Variants in NCAM1 observed in about 807,000 individuals in gnomAD.
NCAM1 encodes antigen recognized by monoclonal antibody 5.1H11.
In NCAM1, 14 loss-of-function variants were observed where a neutral mutation model predicts 109.8. That is an observed-to-expected ratio of 0.13 (90% CI 0.08 to 0.20). The LOEUF (loss-of-function observed/expected upper bound fraction) is 0.20. NCAM1 is among the 10% of genes least tolerant of loss of function. NCAM1 has a pLI of 1.00. For synonymous variants in NCAM1, 418 were observed against 442.9 expected (o/e 0.94, Z 0.70); for missense variants, 774 against 1,109.9 (o/e 0.70, Z 4.30).
intron 1 of NCAM1, among the ~76,000 whole-genome samples, chr11:113,120,824 T>G (rs1305511320): frequency 6.6e-6 from 1 of 152,172 alleles, no homozygotes; most frequent in Non-Finnish European, 1.5e-5. Context: ...TTAAATGCCC[T>G]CTTCATTGGG....
In NCAM1 at chr11:113,116,342, G is replaced by A. The variant is rs1479979912; in HGVS notation, c.53-86037G>A. Among the ~76,000 whole-genome samples, 5 of 152,276 alleles carry A rather than the reference G, an allele frequency of 3.3e-5. No individual in the cohort carries two copies. In the East Asian group the frequency reaches 9.6e-4, roughly 29 times the overall value. On this transcript the variant is annotated intron_variant, in intron 1 of 19. Transcript: ENST00000316851. ...CTGTGTTATGCCTTCATTATAGAAGGGAAAGAGAAGGGTGGTGGACTGGTA... is the reference window on the plus strand; with the variant it reads ...CTGTGTTATGCCTTCATTATAGAAGAGAAAGAGAAGGGTGGTGGACTGGTA...
intron 1 of NCAM1, among the ~76,000 whole-genome samples, chr11:113,081,804 G>T (rs1467474669): frequency 1.3e-5 from 2 of 152,152 alleles, no homozygotes; most frequent in African/African-American, 4.8e-5. Context: ...AGAGTGTTGG[G>T]ACTACAGGCG....
chr11:113,209,660 C>T (rs1175493370), intron 7 of NCAM1, among the ~76,000 whole-genome samples: 3 of 152,200 alleles, frequency 2.0e-5, no homozygotes, highest in African/African-American at 7.2e-5. Context: ...CAGTCAGCAA[C>T]ATTTGAGTGA....
chr11:113,115,358 G>T (rs948248), intron 1 of NCAM1, among the ~76,000 whole-genome samples: 32 of 152,126 alleles, frequency 2.1e-4, no homozygotes, highest in African/African-American at 6.0e-4. Context: ...CCTGGTAAAG[G>T]TTCAAAACAT....
At position 113,173,125 on chromosome 11, in the gene NCAM1, G is replaced by A. The variant is rs150604733; in HGVS notation, c.53-29254G>A. On this transcript the variant is annotated intron_variant, in intron 1 of 19. Transcript: ENST00000316851. ...CCTACACAATGCCTGCACAACTGCC[G>A]TGGGGCTGAGAAAGAATCCCTTCTC... 8.0e-3 allele frequency among the ~76,000 whole-genome samples: 1,211 copies of A among 152,204 alleles called. 13 individuals are homozygous for A. Among genetic ancestry groups the A allele is most frequent in the Admixed American group, 0.015 (231 of 15,292 alleles).
chr11:113,246,052 G>C, intron 14 of NCAM1: 1 of 433,122 alleles, frequency 2.3e-6, no homozygotes, highest in South Asian at 4.9e-5. Context: ...TGTTGCAGCC[G>C]TAGCTAATGC....
chr11:112,997,443 G>A (rs1232806431), intron 1 of NCAM1, among the ~76,000 whole-genome samples: 1 of 152,120 alleles, frequency 6.6e-6, no homozygotes, highest in African/African-American at 2.4e-5. Context: ...TAAAATGGTC[G>A]TATGAAAAAT....
intron 14 of NCAM1, chr11:113,240,817 A>C: frequency 1.2e-6 from 2 of 1,612,714 alleles, no homozygotes; most frequent in Non-Finnish European, 1.7e-6. Flanking sequence ...CCCCTGTTCC[A>C]TTGTCTCCAC....
At chr11:113,035,124 T>C (rs1477889394) in intron 1 of NCAM1, among the ~76,000 whole-genome samples, 4 of 152,154 alleles carry the variant, frequency 2.6e-5, no homozygotes, top group Non-Finnish European at 4.4e-5. Context: ...AGTAAAACAG[T>C]TGTTACAAAA....
intron 8 of NCAM1, among the ~76,000 whole-genome samples, chr11:113,219,473 A>G (rs1286569150): frequency 6.6e-6 from 1 of 152,252 alleles, no homozygotes; most frequent in Non-Finnish European, 1.5e-5. Context: ...TAAAATATGA[A>G]TATCAAAACA....
chr11:113,075,680 A>G (rs1316693666), intron 1 of NCAM1, among the ~76,000 whole-genome samples: 4 of 152,210 alleles, frequency 2.6e-5, no homozygotes, highest in African/African-American at 9.6e-5. Flanking sequence ...ATTGAAGGAA[A>G]CATGATGGGT....
intron 1 of NCAM1, among the ~76,000 whole-genome samples, chr11:113,056,002 T>TAC (rs1418667020): frequency 8.4e-6 from 1 of 118,964 alleles, no homozygotes; most frequent in Non-Finnish European, 1.7e-5. Context: ...TATATATATA[T>TAC]ATATATATAT....
intron 1 of NCAM1, among the ~76,000 whole-genome samples, chr11:113,180,231 A>C (rs1943290512): frequency 1.3e-5 from 2 of 152,174 alleles, no homozygotes; most frequent in Non-Finnish European, 2.9e-5. Flanking sequence ...GGTTGCAGAG[A>C]ACAGTGAGAT....
At chr11:113,165,718 G>C (rs1942770045) in intron 1 of NCAM1, among the ~76,000 whole-genome samples, 1 of 152,048 alleles carries the variant, frequency 6.6e-6, no homozygotes, top group South Asian at 2.1e-4. Context: ...GTACTCCTCT[G>C]TGGTAGCTCA....
chr11:113,094,207 G>A (rs1315319160), intron 1 of NCAM1, among the ~76,000 whole-genome samples: 4 of 152,136 alleles, frequency 2.6e-5, no homozygotes, highest in Non-Finnish European at 5.9e-5. Context: ...AACCAAAGAG[G>A]TAACTTAAAC....
intron 1 of NCAM1, among the ~76,000 whole-genome samples, chr11:112,969,020 T>C (rs1555066266): frequency 6.6e-6 from 1 of 152,148 alleles, no homozygotes; most frequent in East Asian, 1.9e-4. Context: ...ACAGACATAC[T>C]ATACTTATAA....
At chr11:113,232,058 C>A in intron 10 of NCAM1, 112 bp from the exon 11 acceptor site, 1 of 1,127,980 alleles carries the variant, frequency 8.9e-7, no homozygotes, top group Non-Finnish European at 1.2e-6. Flanking sequence ...CTCTACTATA[C>A]CAGGCGCTGG....
intron 17 of NCAM1, chr11:113,264,686 T>C: frequency 3.0e-6 from 3 of 985,430 alleles, no homozygotes; most frequent in Non-Finnish European, 3.6e-6. Context: ...TGTCCATCTT[T>C]CTGAAGGGAC....
chr11:113,153,453 T>TGAGAGA (rs10669540), intron 1 of NCAM1, among the ~76,000 whole-genome samples: 18 of 141,176 alleles, frequency 1.3e-4, no homozygotes, highest in Non-Finnish European at 2.0e-4. Flanking sequence ...AGACAGAGAG[T>TGAGAGA]GAGAGAGAGA....
Sources: allele counts gnomAD v4.1 joint callset (sites outside exome capture counted in the v4.1 genomes callset), GRCh38; gene constraint gnomAD v4.1.1; transcripts MANE v1.5; gene names NCBI Gene and HGNC (gene_info 2026-07-23, HGNC 2026-07-21).